PHACTR4: variants seen among roughly 807,000 people sequenced by gnomAD.
PHACTR4 encodes phosphatase and actin regulator 4.
PHACTR4 carries 51 observed loss-of-function variants against 72.7 expected under a neutral mutation model. The observed-to-expected ratio is 0.70, with a 90% CI of 0.56 to 0.89. The LOEUF is 0.89. Among genes scored for constraint, PHACTR4 ranks in the 40% least tolerant of loss-of-function variants. The pLI is 0.00. For synonymous variants in PHACTR4, 255 were observed against 302.5 expected, an observed-to-expected ratio of 0.84 and a Z score of 1.63; for missense variants, 731 against 861.8, an observed-to-expected ratio of 0.85 and a Z score of 1.90.
chr1:28,444,782 A>ATTTTTTTTT lies in PHACTR4; in HGVS notation c.17-14293_17-14285dup, dbSNP rs577693546. On this transcript the variant is annotated intron_variant, in intron 2 of 13. Transcript: ENST00000373839. ...AGGCGCCTGCCACCGCACCCAGCTAATTTTTTTTTTTTTTTTTTGTATTTT... is the reference window on the plus strand; with the variant it reads ...AGGCGCCTGCCACCGCACCCAGCTAATTTTTTTTTTTTTTTTTTTTTTTTTTTGTATTTT... Among the ~76,000 whole-genome samples the ATTTTTTTTT allele has an allele frequency of 6.0e-3, 701 of 116,608 alleles. 5 individuals carry two copies. The highest frequency in any genetic ancestry group is 0.018 in the African/African-American group (497 of 27,474). The allele number at this position is 116,608 out of a possible 152,430, so 76.5% of individuals were successfully genotyped here.
rs548365936 is a variant in PHACTR4 at position 28,376,312 on chromosome 1, C to CA, written c.-39+6502dup. Among the ~76,000 whole-genome samples the CA allele has an allele frequency of 1.7e-3, 219 of 129,946 alleles. No individual in the cohort carries two copies. The Middle Eastern group carries it at 0.032, about 19-fold the overall frequency. 85.2% of individuals were successfully genotyped at this position (129,946 alleles called of 152,430 possible). A position where few individuals can be genotyped will look rare whatever the true frequency, so the allele number is the denominator to read the frequency against. ...TGGGTGACAGAGTGAGACCTTGTCT[C>CA]AAAAAAAAAAAAAAATTGAGACAGA... On this transcript the variant is annotated intron_variant, in intron 1 of 13. Transcript: ENST00000373839.
At chr1:28,459,433 C>T (rs1658645912) in intron 3 of PHACTR4, among the ~76,000 whole-genome samples, 175 bp downstream of exon 3, 1 of 143,098 alleles carries the variant, frequency 7.0e-6, no homozygotes, top group Non-Finnish European at 1.5e-5. Context: ...ACAGGATCTC[C>T]CTCTGTTGCC....
intron 2 of PHACTR4, among the ~76,000 whole-genome samples, chr1:28,423,934 A>G (rs978453698): frequency 6.6e-6 from 1 of 152,204 alleles, no homozygotes; most frequent in Non-Finnish European, 1.5e-5. Context: ...GCTTTCTTCA[A>G]ATCTTTTCAC....
intron 2 of PHACTR4, among the ~76,000 whole-genome samples, chr1:28,429,256 T>A (rs1656075171): frequency 1.3e-5 from 2 of 152,214 alleles, no homozygotes; most frequent in African/African-American, 4.8e-5. Context: ...ATCTTGAGCC[T>A]CACAGTTGTG....
chr1:28,393,863 A>C (rs1012540845), intron 1 of PHACTR4, among the ~76,000 whole-genome samples: 2 of 151,334 alleles, frequency 1.3e-5, no homozygotes, highest in Non-Finnish European at 2.9e-5. Flanking sequence ...ATGCCACCAT[A>C]CTGGCTAACT....
chr1:28,400,024 T>G (rs1481274937), intron 1 of PHACTR4, among the ~76,000 whole-genome samples: 1 of 152,156 alleles, frequency 6.6e-6, no homozygotes, highest in Non-Finnish European at 1.5e-5. Context: ...GTAGGAAATG[T>G]GGTCAGTGGA....
Position 28,473,955 on chromosome 1 carries a change from C to T in PHACTR4, c.1225C>T (p.Pro409Ser). The T allele has an allele frequency of 6.2e-7, 1 of 1,614,154 alleles. No homozygotes were observed. The highest frequency in any genetic ancestry group is 1.1e-5 in the South Asian group (1 of 91,086). The change falls in exon 7 of 14, where the codon CCC becomes TCC. Residue 409 changes from proline to serine, a missense_variant. Pro to Ser is a moderately conservative substitution (Grantham distance 74). This residue lies in a region of PHACTR4 where 621 missense variants were observed against 676.6 expected (regional missense o/e 0.92). Coordinates refer to ENST00000373839, the MANE Select transcript of PHACTR4 (RefSeq NM_001048183.3). ...LDQNFGEPHIPSRLPPLPLHI... is the reference protein window; with the variant it reads ...LDQNFGEPHISSRLPPLPLHI... ...CCAGAACTTTGGGGAGCCCCATATA[C>T]CCTCTAGGCTGCCTCCACTCCCACT...
intron 2 of PHACTR4, among the ~76,000 whole-genome samples, chr1:28,419,764 C>T (rs904217053): frequency 2.0e-5 from 3 of 152,130 alleles, no homozygotes; most frequent in African/African-American, 4.8e-5. Flanking sequence ...TTCTTAAATA[C>T]TTAAATAATA....
chr1:28,394,274 G>A (rs1381937246), intron 1 of PHACTR4, among the ~76,000 whole-genome samples: 1 of 149,590 alleles, frequency 6.7e-6, no homozygotes, highest in Non-Finnish European at 1.5e-5. Flanking sequence ...AAAAGAAAGA[G>A]GGACGGAGGG....
intron 4 of PHACTR4, among the ~76,000 whole-genome samples, chr1:28,463,990 C>G (rs544397160): frequency 6.6e-6 from 1 of 151,874 alleles, no homozygotes; most frequent in East Asian, 1.9e-4. Flanking sequence ...CTCAGCCTCC[C>G]AAATTGTTGG....
At chr1:28,478,544 GC>G (rs1294121574) in intron 8 of PHACTR4, among the ~76,000 whole-genome samples, 2 of 152,022 alleles carry the variant, frequency 1.3e-5, no homozygotes, top group Non-Finnish European at 2.9e-5. Context: ...CGATTCTCCT[GC>G]CTCAGCCTCC....
chr1:28,370,063 C>T (rs1346639082), intron 1 of PHACTR4, among the ~76,000 whole-genome samples: 1 of 151,390 alleles, frequency 6.6e-6, no homozygotes, highest in Admixed American at 6.6e-5. Flanking sequence ...CGCGCAGGCT[C>T]GCCCTCTCCG....
At chr1:28,482,291 G>C (rs1028106497) in intron 9 of PHACTR4, among the ~76,000 whole-genome samples, 1 of 152,152 alleles carries the variant, frequency 6.6e-6, no homozygotes, top group Non-Finnish European at 1.5e-5. Context: ...AGGCTCCTCT[G>C]TCACTTTTTT....
chr1:28,456,050 A>G (rs919395903), intron 2 of PHACTR4, among the ~76,000 whole-genome samples: 1 of 151,948 alleles, frequency 6.6e-6, no homozygotes, highest in African/African-American at 2.4e-5. Flanking sequence ...TTTTTGAGAC[A>G]AGGTCCCTGT....
Position 28,474,171 on chromosome 1 carries a change from G to C in PHACTR4, c.1421+20G>C. 1.3e-6 allele frequency: 2 copies of C among 1,575,944 alleles called. No individual in the cohort carries two copies. Among genetic ancestry groups the C allele is most frequent in the Non-Finnish European group, 1.7e-6 (2 of 1,158,754 alleles). On this transcript the variant is annotated intron_variant, in intron 7 of 13. Transcript: ENST00000373839. ...AAAAGTGTAAGTGCCTTTAAAGCTT[G>C]CCTCTTATTTCTCCTTTACTCTAGA...
chr1:28,450,567 CAG>C (rs1307600538), intron 2 of PHACTR4, among the ~76,000 whole-genome samples: 2 of 152,008 alleles, frequency 1.3e-5, no homozygotes, highest in African/African-American at 4.8e-5. Flanking sequence ...TTTTAAAAAA[CAG>C]TGATGATTTC....
In PHACTR4 at chr1:28,460,220, C is replaced by T. The variant is rs759224347; in HGVS notation, c.199C>T (p.Arg67Trp). The change falls in exon 4 of 14, where the codon CGG (arginine) becomes TGG (tryptophan). Residue 67 changes from arginine (R) to tryptophan (W), a missense_variant. Physicochemically the swap from Arg to Trp is moderately radical, Grantham distance 101. This residue lies in a region of PHACTR4 where 621 missense variants were observed against 676.6 expected (regional missense o/e 0.92). Transcript: ENST00000373839. ...KFKETSEVLERKISMRKPREE... is the reference protein window; with the variant it reads ...KFKETSEVLEWKISMRKPREE... ...TTCCAATTTAATGTTAGTTTTAGAA[C>T]GGAAAATATCTATGCGAAAGCCAAG... 67 of 1,612,090 alleles carry T rather than the reference C, an allele frequency of 4.2e-5. No individual in the cohort carries two copies. Among genetic ancestry groups the T allele is most frequent in the South Asian group, 8.8e-5 (8 of 90,842 alleles).
intron 6 of PHACTR4, among the ~76,000 whole-genome samples, chr1:28,472,424 C>T (rs1287953296): frequency 1.3e-5 from 2 of 152,100 alleles, no homozygotes; most frequent in Non-Finnish European, 1.5e-5. Flanking sequence ...ACAAAAAACA[C>T]TTTGATTTCT....
chr1:28,452,203 GA>G (rs370566838), intron 2 of PHACTR4, among the ~76,000 whole-genome samples: 40 of 148,084 alleles, frequency 2.7e-4, no homozygotes, highest in African/African-American at 5.4e-4. Flanking sequence ...ACAACAATTT[GA>G]AAAAAAAAAC....
Sources: gnomAD v4.1 joint callset for allele counts (sites outside exome capture counted in the v4.1 genomes callset) on GRCh38, gnomAD v4.1.1 for gene constraint, gnomAD v4.1.1 regional missense constraint, MANE v1.5 for transcripts, NCBI Gene and HGNC (gene_info 2026-07-23, HGNC 2026-07-21) for gene names.